MEI4: variants seen among roughly 807,000 people sequenced by gnomAD.
MEI4 encodes meiosis-specific protein MEI4.
In MEI4, 27 loss-of-function variants were observed where a neutral mutation model predicts 31.4. The observed-to-expected ratio is 0.86, with a 90% CI of 0.63 to 1.19. The LOEUF (loss-of-function observed/expected upper bound fraction) is 1.19, where lower values mean the gene tolerates loss of function less well. Among genes scored for constraint, MEI4 ranks in the 50% most tolerant of loss-of-function variants. The probability of loss-of-function intolerance (pLI) is 0.00; values close to 1 mark genes in which losing one functional copy is unlikely to be tolerated. For synonymous variants in MEI4, 122 were observed against 145.4 expected, an observed-to-expected ratio of 0.84 and a Z score of 1.16; for missense variants, 329 against 398.9, an observed-to-expected ratio of 0.82 and a Z score of 1.49.
At chr6:77,762,718 T>G (rs943187168) in intron 3 of MEI4, among the ~76,000 whole-genome samples, 8 of 152,166 alleles carry the variant, frequency 5.3e-5, no homozygotes, top group Non-Finnish European at 8.8e-5. Context: ...TGTTCTTTCC[T>G]TCTCTATTAA....
At chr6:77,733,788 C>T (rs1235906252) in intron 2 of MEI4, among the ~76,000 whole-genome samples, 1 of 152,010 alleles carries the variant, frequency 6.6e-6, no homozygotes, top group Non-Finnish European at 1.5e-5. Flanking sequence ...TCCCTCTACA[C>T]AGTGCTTTGA....
intron 2 of MEI4, among the ~76,000 whole-genome samples, chr6:77,753,308 A>T (rs1234795141): frequency 6.6e-6 from 1 of 152,236 alleles, no homozygotes; most frequent in Non-Finnish European, 1.5e-5. Flanking sequence ...CATCAGAGTG[A>T]ACAGCCAACC....
chr6:77,828,237 G>A (rs1014508889), intron 3 of MEI4, among the ~76,000 whole-genome samples: 14 of 151,540 alleles, frequency 9.2e-5, no homozygotes, highest in Non-Finnish European at 1.9e-4. Context: ...CTGTAATTCA[G>A]GGGTCCCTAG....
intron 4 of MEI4, among the ~76,000 whole-genome samples, chr6:77,915,790 C>T (rs1047572800): frequency 2.0e-5 from 3 of 151,938 alleles, no homozygotes; most frequent in African/African-American, 7.2e-5. Flanking sequence ...CTGTGTTTGG[C>T]TGTCTAAATA....
intron 4 of MEI4, among the ~76,000 whole-genome samples, chr6:77,859,407 G>A (rs1209072503): frequency 1.3e-5 from 2 of 152,106 alleles, no homozygotes; most frequent in Non-Finnish European, 2.9e-5. Flanking sequence ...GGGTCAAATG[G>A]TATTTCTGGT....
chr6:77,736,686 A>G (rs1232078694), intron 2 of MEI4, among the ~76,000 whole-genome samples: 1 of 152,056 alleles, frequency 6.6e-6, no homozygotes, highest in Non-Finnish European at 1.5e-5. Context: ...TGTGAGGTAC[A>G]AAACAATGTA....
intron 4 of MEI4, among the ~76,000 whole-genome samples, chr6:77,909,826 C>A (rs532740528): frequency 6.6e-6 from 1 of 152,162 alleles, no homozygotes; most frequent in East Asian, 1.9e-4. Flanking sequence ...ACTGGCAAAC[C>A]GAATCCAGTA....
intron 4 of MEI4, among the ~76,000 whole-genome samples, chr6:77,834,686 C>T (rs1349758689): frequency 6.6e-6 from 1 of 152,064 alleles, no homozygotes; most frequent in Non-Finnish European, 1.5e-5. Context: ...GATAGTGAGG[C>T]TCACATTTAT....
At chr6:77,781,409 C>T (rs1768593420) in intron 3 of MEI4, among the ~76,000 whole-genome samples, 1 of 152,118 alleles carries the variant, frequency 6.6e-6, no homozygotes, top group African/African-American at 2.4e-5. Flanking sequence ...TGTTAATATA[C>T]ATTAAAAACT....
chr6:77,684,342 A>G (rs1232087121), intron 1 of MEI4, among the ~76,000 whole-genome samples: 2 of 152,154 alleles, frequency 1.3e-5, no homozygotes, highest in Admixed American at 6.6e-5. Context: ...CACATTATGG[A>G]GAATGCAGTT....
At chr6:77,779,697 T>C (rs1421438327) in intron 3 of MEI4, among the ~76,000 whole-genome samples, 1 of 152,162 alleles carries the variant, frequency 6.6e-6, no homozygotes, top group Non-Finnish European at 1.5e-5. Context: ...TCCCTGGTTT[T>C]CATCTCCCAG....
intron 4 of MEI4, among the ~76,000 whole-genome samples, chr6:77,915,256 TA>T (rs1204958095): frequency 1.3e-5 from 2 of 152,098 alleles, no homozygotes; most frequent in Admixed American, 1.3e-4. Context: ...TGTATTTCCA[TA>T]ATGGTAGATA....
chr6:77,793,428 A>G (rs1768992319), intron 3 of MEI4, among the ~76,000 whole-genome samples: 1 of 152,226 alleles, frequency 6.6e-6, no homozygotes. Flanking sequence ...ACACTAAATA[A>G]CAAGATGAAA....
intron 4 of MEI4, among the ~76,000 whole-genome samples, chr6:77,888,334 CTT>C (rs59851856): frequency 5.0e-4 from 72 of 142,828 alleles, no homozygotes; most frequent in African/African-American, 1.8e-3. Flanking sequence ...TATCCTTTTT[CTT>C]TTTTTTTTTT....
At chr6:77,655,255 A>G (rs573519113) in intron 1 of MEI4, among the ~76,000 whole-genome samples, 1 of 152,236 alleles carries the variant, frequency 6.6e-6, no homozygotes, top group African/African-American at 2.4e-5. Context: ...TTATGGCTGC[A>G]TAGTATTCCA....
At chr6:77,917,948 G>C (rs1766602398) in intron 4 of MEI4, among the ~76,000 whole-genome samples, 1 of 150,772 alleles carries the variant, frequency 6.6e-6, no homozygotes, top group Admixed American at 6.6e-5. Flanking sequence ...TTTTGTATAA[G>C]GTGTAAGGAA....
chr6:77,806,454 A>G (rs1217234030), intron 3 of MEI4, among the ~76,000 whole-genome samples: 2 of 152,124 alleles, frequency 1.3e-5, no homozygotes. Flanking sequence ...CCTTCATAGA[A>G]ATTTATATAA....
Position 77,709,500 on chromosome 6 carries a change from G to A in MEI4, c.232+18597G>A, listed in dbSNP as rs56682474. On this transcript the variant is annotated intron_variant, in intron 2 of 4. Coordinates refer to ENST00000684080, the MANE Select transcript of MEI4 (RefSeq NM_001322247.2). ...ATGTAAATTATAATACATGTAAAAT[G>A]TTAACATTTTACATCAATTTCACAA... Among the ~76,000 whole-genome samples the A allele has an allele frequency of 7.8e-3, 1,183 of 152,218 alleles. 18 individuals are homozygous for A. The highest frequency in any genetic ancestry group is 0.027 in the African/African-American group (1,134 of 41,520).
rs139235862 is a variant in MEI4, at chr6:77,729,982, A to G, written c.233-31148A>G. Among the ~76,000 whole-genome samples the G allele has an allele frequency of 1.4e-3, 211 of 152,230 alleles. 1 individual carries two copies. The highest frequency in any genetic ancestry group is 4.5e-3 in the African/African-American group (185 of 41,548). ...AGTCTAAAGGTAACATCCCAGCAGC[A>G]TAGATGTGAGCAATTGGAACTCTGT... On this transcript the variant is annotated intron_variant, in intron 2 of 4. Transcript: ENST00000684080.
Sources: allele counts gnomAD v4.1 joint callset (sites outside exome capture counted in the v4.1 genomes callset), GRCh38; gene constraint gnomAD v4.1.1; transcripts MANE v1.5; gene names NCBI Gene and HGNC (gene_info 2026-07-23, HGNC 2026-07-21).